ASIC1: variants seen among roughly 807,000 people sequenced by gnomAD.
ASIC1 encodes the protein acid-sensing ion channel 1.
Under a neutral mutation model 63.4 loss-of-function variants are expected in ASIC1, and 21 were observed. The observed-to-expected ratio is 0.33, with a 90% CI of 0.23 to 0.48. ASIC1 has a LOEUF of 0.48. ASIC1 is among the 20% of genes least tolerant of loss of function. The probability of loss-of-function intolerance (pLI) is 0.99; values close to 1 mark genes in which losing one functional copy is unlikely to be tolerated. For synonymous variants in ASIC1, 258 were observed against 278.2 expected (o/e 0.93, Z 0.72); for missense variants, 478 against 695.5 (o/e 0.69, Z 3.52).
intron 3 of ASIC1, among the ~76,000 whole-genome samples, chr12:50,063,219 T>C (rs1950516548): frequency 1.3e-5 from 2 of 152,136 alleles, no homozygotes; most frequent in Non-Finnish European, 2.9e-5. Flanking sequence ...GGGGTGCAGC[T>C]GTCTGCTGGT....
Position 50,059,032 on chromosome 12 carries a change from C to A in ASIC1, c.266C>A (p.Ala89Asp). 2 of 1,614,216 alleles carry A rather than the reference C, an allele frequency of 1.2e-6. No individual in the cohort carries two copies. The highest frequency in any genetic ancestry group is 1.7e-6 in the Non-Finnish European group (2 of 1,180,026). Residue 89 changes from alanine to aspartate, a missense_variant, in exon 2 of 12, where the codon GCT (alanine) becomes GAT (aspartate). Transcript: ENST00000447966. The surrounding 1 kb of genome is among the most constrained non-coding windows in gnomAD (Gnocchi z 4.6). ...EVAASQLTFPAVTLCNLNEFR... is the reference protein window; with the variant it reads ...EVAASQLTFPDVTLCNLNEFR... ...GCTGCCTCTCAGCTTACCTTCCCTG[C>A]TGTCACGCTGTGCAACCTCAACGAG...
chr12:50,077,222 C>G lies in ASIC1; in HGVS notation c.568C>G (p.Arg190Gly). The G allele has an allele frequency of 6.2e-7, 1 of 1,609,908 alleles. No individual in the cohort carries two copies. Among genetic ancestry groups the G allele is most frequent in the Non-Finnish European group, 8.5e-7 (1 of 1,177,686 alleles). The change falls in exon 4 of 12, where the codon CGC becomes GGC. Residue 190 changes from arginine (R) to glycine (G), a missense_variant. Around this residue, in one of 3 missense-constraint regions of ASIC1, gnomAD observed 290 missense variants for 414.9 expected, o/e 0.70. Coordinates refer to ENST00000447966, the MANE Select transcript of ASIC1 (RefSeq NM_001095.4). ...ACTCTGCCCTCGCCAGGTCTTCACA[C>G]GCTATGGAAAGTGCTACACGTTCAA... is the stretch of plus-strand genomic sequence containing the variant. Reference protein sequence around the residue: ...SAEDFKVVFTRYGKCYTFNSG... With the variant: ...SAEDFKVVFTGYGKCYTFNSG...
In ASIC1 at chr12:50,058,747, C is replaced by T; in HGVS notation, c.-16-4C>T. The stretch of plus-strand genomic sequence containing the variant: ...TGATAGACTGTCCCTCCCTCCTCCC[C>T]CAGGATCCCCTCAACAAGGATGGAA... On this transcript the variant is annotated splice_polypyrimidine_tract_variant and splice_region_variant and intron_variant, in intron 1 of 11. Transcript: ENST00000447966. The T allele has an allele frequency of 1.3e-6, 2 of 1,558,606 alleles. No homozygotes were observed. Among genetic ancestry groups the T allele is most frequent in the African/African-American group, 2.7e-5 (2 of 74,030 alleles).
chr12:50,080,240 G>A, intron 8 of ASIC1, 185 bp downstream of exon 8: 1 of 890,392 alleles, frequency 1.1e-6, no homozygotes, highest in South Asian at 1.8e-5. Context: ...AAGCAGGGAA[G>A]CACCCCTTTC....
Position 50,078,644 on chromosome 12 carries a change from C to G in ASIC1, c.994+67C>G. 2.5e-6 allele frequency: 4 copies of G among 1,594,060 alleles called. No homozygotes were observed. Among genetic ancestry groups the G allele is most frequent in the Non-Finnish European group, 3.4e-6 (4 of 1,168,068 alleles). On this transcript the variant is annotated intron_variant, in intron 6 of 11. Coordinates refer to ENST00000447966, the MANE Select transcript of ASIC1 (RefSeq NM_001095.4). This position sits in a 1 kb window ranked among gnomAD's most constrained non-coding sequence, Gnocchi z 6.0. ...CCTTTGCTGCCCTTCACTAGCTCCCCATCCATATCAATCTCCCAACCCCAG... is the reference window on the plus strand; with the variant it reads ...CCTTTGCTGCCCTTCACTAGCTCCCGATCCATATCAATCTCCCAACCCCAG...
intron 3 of ASIC1, among the ~76,000 whole-genome samples, chr12:50,061,101 A>G (rs148881709): frequency 4.6e-5 from 7 of 152,278 alleles, no homozygotes; most frequent in African/African-American, 1.4e-4. Context: ...TCCACTTCAA[A>G]TTCTTGCCAG....
In ASIC1 at chr12:50,059,087, C is replaced by T. The variant is rs1189611002; in HGVS notation, c.321C>T (p.Asp107=). ...EFRFSQVSKN[D]LYHAGELLAL... Reference sequence around the variant, plus strand: ...GCTTTAGCCAAGTCTCCAAGAATGACCTGTATCATGCTGGGGAGCTGCTGG... The same window carrying T: ...GCTTTAGCCAAGTCTCCAAGAATGATCTGTATCATGCTGGGGAGCTGCTGG... Residue 107 remains aspartate (D), a synonymous_variant, in exon 2 of 12, where the codon GAC becomes GAT. Transcript: ENST00000447966. This position sits in a 1 kb window ranked among gnomAD's most constrained non-coding sequence, Gnocchi z 4.6. 1.9e-6 allele frequency: 3 copies of T among 1,614,008 alleles called. No homozygotes were observed. The highest frequency in any genetic ancestry group is 2.5e-6 in the Non-Finnish European group (3 of 1,180,030).
At position 50,074,367 on chromosome 12, in the gene ASIC1, C is replaced by A; in HGVS notation, c.559-2846C>A. The stretch of plus-strand genomic sequence containing the variant: ...GGGCTGATGACTGTGCTGCCCCCTA[C>A]CTCATCTGGCTGACACAGGCCAGAG... On this transcript the variant is annotated intron_variant, in intron 3 of 11. Coordinates refer to ENST00000447966, the MANE Select transcript of ASIC1 (RefSeq NM_001095.4). The surrounding 1 kb of genome is among the most constrained non-coding windows in gnomAD (Gnocchi z 4.2). 7.2e-7 allele frequency: 1 copy of A among 1,397,652 alleles called. No individual in the cohort carries two copies. The highest frequency in any genetic ancestry group is 9.3e-7 in the Non-Finnish European group (1 of 1,077,142). 86.6% of individuals were successfully genotyped at this position (1,397,652 alleles called of 1,614,324 possible).
intron 3 of ASIC1, among the ~76,000 whole-genome samples, chr12:50,072,716 C>T (rs1444328361): frequency 1.3e-5 from 2 of 152,194 alleles, no homozygotes. Flanking sequence ...CAGGGTCCCT[C>T]CCCCTAGTGC....
At chr12:50,080,997 T>A in intron 9 of ASIC1, 105 bp from the exon 10 acceptor site, 2 of 1,080,012 alleles carry the variant, frequency 1.9e-6, no homozygotes, top group Non-Finnish European at 2.7e-6. Flanking sequence ...GTGCGAAGGC[T>A]ACCAATCCCT....
chr12:50,075,592 G>A (rs1164293155), intron 3 of ASIC1, among the ~76,000 whole-genome samples: 10 of 152,200 alleles, frequency 6.6e-5, no homozygotes, highest in Non-Finnish European at 1.3e-4. Context: ...CCACAAAGTG[G>A]GGAGAGCAGT....
intron 3 of ASIC1, among the ~76,000 whole-genome samples, chr12:50,067,930 G>T (rs1950561869): frequency 6.6e-6 from 1 of 152,016 alleles, no homozygotes; most frequent in Non-Finnish European, 1.5e-5. Flanking sequence ...TTTTACACTG[G>T]TATGTCTTAC....
chr12:50,068,031 TAA>T, intron 3 of ASIC1, among the ~76,000 whole-genome samples: 1 of 152,178 alleles, frequency 6.6e-6, no homozygotes, highest in Non-Finnish European at 1.5e-5. Context: ...TGCTACCCCA[TAA>T]GAGTTAACCA....
In ASIC1 at chr12:50,081,769, CTT is replaced by C. The variant is rs1950723500; in HGVS notation, c.*121_*122del. 7.0e-6 allele frequency: 6 copies of C among 858,262 alleles called. No homozygotes were observed. The highest frequency in any genetic ancestry group is 2.4e-5 in the Admixed American group (1 of 41,894). The allele number at this position is 858,262 out of a possible 1,614,324, so 53.2% of individuals were successfully genotyped here. On this transcript the variant is annotated 3_prime_UTR_variant, in exon 12 of 12. Transcript: ENST00000447966. ...CCACACTCCGGGGCAGATCTTTCCTCTTGTCTGTGGTAAGGAAGGAGTCTTGA... is the reference window on the plus strand; with the variant it reads ...CCACACTCCGGGGCAGATCTTTCCTCGTCTGTGGTAAGGAAGGAGTCTTGA...
Position 50,078,278 on chromosome 12 carries a change from GCT to G in ASIC1, c.838-140_838-139del. 3.3e-6 allele frequency: 5 copies of G among 1,507,168 alleles called. No homozygotes were observed. In the Admixed American group the frequency reaches 1.0e-4, roughly 30 times the overall value. The allele number at this position is 1,507,168 out of a possible 1,614,324, so 93.4% of individuals were successfully genotyped here. ...CATGAGTGATCGAATGAACAAGAAT[GCT>G]CTGTAAACTCTGAGACCTTTGGAGG... On this transcript the variant is annotated intron_variant, in intron 5 of 11. Coordinates refer to ENST00000447966, the MANE Select transcript of ASIC1 (RefSeq NM_001095.4). This position sits in a 1 kb window ranked among gnomAD's most constrained non-coding sequence, Gnocchi z 6.0.
chr12:50,062,240 G>A (rs1409468259), intron 3 of ASIC1, among the ~76,000 whole-genome samples: 1 of 152,022 alleles, frequency 6.6e-6, no homozygotes, highest in East Asian at 1.9e-4. Context: ...CAGTCCTAAG[G>A]GCTCCCACAC....
intron 3 of ASIC1, among the ~76,000 whole-genome samples, chr12:50,072,864 G>A (rs1425203562): frequency 6.6e-6 from 1 of 152,048 alleles, no homozygotes; most frequent in African/African-American, 2.4e-5. Flanking sequence ...GTAGGACGAG[G>A]GCTGGTAATG....
intron 3 of ASIC1, chr12:50,070,999 C>G (rs1377040315): frequency 2.6e-5 from 4 of 152,494 alleles, no homozygotes; most frequent in African/African-American, 9.6e-5. Flanking sequence ...TGGTCCTGCT[C>G]TTTTGCTCTC....
At chr12:50,079,071 T>G in intron 7 of ASIC1, 91 bp downstream of exon 7, 1 of 1,291,426 alleles carries the variant, frequency 7.7e-7, no homozygotes, top group Non-Finnish European at 1.1e-6. Flanking sequence ...CCCAGAAGCC[T>G]CACATAACTC....
Sources: allele counts gnomAD v4.1 joint callset (sites outside exome capture counted in the v4.1 genomes callset), GRCh38; gene constraint gnomAD v4.1.1; regional missense constraint gnomAD v4.1.1; non-coding constraint Gnocchi (gnomAD v3.1); transcripts MANE v1.5; gene names NCBI Gene and HGNC (gene_info 2026-07-23, HGNC 2026-07-21).